The following LINC00305 variants were observed in gnomAD, a reference collection of about 807,000 sequenced individuals.
LINC00305 encodes the protein long intergenic non-protein coding RNA 305.
At chr18:64,115,781 G>T (rs890984750) in intron 1 of LINC00305, among the ~76,000 whole-genome samples, 2 of 151,892 alleles carry the variant, frequency 1.3e-5, no homozygotes, top group African/African-American at 4.8e-5. Context: ...ACATCTTTGA[G>T]TTGAAAATCT....
At chr18:64,080,206 T>C (rs1463355689) in exon 4 of LINC00305, 1 of 298,242 alleles carries the variant, frequency 3.4e-6, no homozygotes, top group Non-Finnish European at 6.8e-6. Flanking sequence ...CCAAAGTCCC[T>C]GCCGTTTATC....
chr18:64,119,596 A>G (rs2051352776), intron 1 of LINC00305, among the ~76,000 whole-genome samples: 1 of 152,162 alleles, frequency 6.6e-6, no homozygotes, highest in Non-Finnish European at 1.5e-5. Flanking sequence ...ATAGTGACAT[A>G]AAATTTGTCA....
intron 1 of LINC00305, among the ~76,000 whole-genome samples, chr18:64,138,591 A>AT (rs1374681291): frequency 1.3e-5 from 2 of 151,914 alleles, no homozygotes; most frequent in Non-Finnish European, 2.9e-5. Context: ...TTCTGATGAG[A>AT]TTTTTTTGGC....
chr18:64,132,758 C>A (rs1030620405), intron 1 of LINC00305, among the ~76,000 whole-genome samples: 4 of 152,076 alleles, frequency 2.6e-5, no homozygotes, highest in African/African-American at 9.7e-5. Context: ...TTGGTTCCTA[C>A]CAGAGGACAA....
intron 1 of LINC00305, among the ~76,000 whole-genome samples, chr18:64,135,632 C>T (rs1015235827): frequency 1.3e-5 from 2 of 152,186 alleles, no homozygotes; most frequent in African/African-American, 4.8e-5. Flanking sequence ...GTTGCCCAGG[C>T]TGGAGTGCAG....
intron 1 of LINC00305, among the ~76,000 whole-genome samples, chr18:64,118,244 G>A (rs1403820704): frequency 6.6e-6 from 1 of 152,090 alleles, no homozygotes; most frequent in Non-Finnish European, 1.5e-5. Flanking sequence ...GTGATATTAT[G>A]AAACTGAGTT....
intron 3 of LINC00305, among the ~76,000 whole-genome samples, chr18:64,086,629 T>G (rs539416719): frequency 4.6e-5 from 7 of 152,370 alleles, no homozygotes; most frequent in African/African-American, 1.7e-4. Flanking sequence ...TTCTTTCAAC[T>G]ATACACTTTA....
At chr18:64,145,977 T>C (rs945222029) in intron 1 of LINC00305, among the ~76,000 whole-genome samples, 3 of 152,104 alleles carry the variant, frequency 2.0e-5, no homozygotes, top group African/African-American at 7.2e-5. Context: ...TAGAAAAATG[T>C]GGGGTACTTA....
intron 1 of LINC00305, among the ~76,000 whole-genome samples, chr18:64,143,684 C>CACATATTATGCGTACATGTATGTA (rs1568120226): frequency 9.4e-5 from 7 of 74,496 alleles, no homozygotes; most frequent in Middle Eastern, 0.011. Flanking sequence ...ATATGTATGT[C>CACATATTATGCGTACATGTATGTA]CACATATTAT....
Position 64,141,797 on chromosome 18 carries a change from G to C in LINC00305, n.314+6978C>G, listed in dbSNP as rs1400320035. On this transcript the variant is annotated intron_variant and non_coding_transcript_variant, in intron 1 of 3. Coordinates refer to ENST00000666468, the Ensembl canonical transcript of LINC00305. ...AACTTTTCTCAAAACGCTTTGGTATGATACTCACGCATATGAAACAATGTA... is the reference window on the plus strand; with the variant it reads ...AACTTTTCTCAAAACGCTTTGGTATCATACTCACGCATATGAAACAATGTA... 2.0e-5 allele frequency among the ~76,000 whole-genome samples: 3 copies of C among 152,286 alleles called. No homozygotes were observed. In the South Asian group the frequency reaches 6.2e-4, roughly 32 times the overall value.
At chr18:64,137,463 T>C (rs1210654428) in intron 1 of LINC00305, among the ~76,000 whole-genome samples, 2 of 152,252 alleles carry the variant, frequency 1.3e-5, no homozygotes, top group Non-Finnish European at 2.9e-5. Context: ...TACTATTATT[T>C]GAATTTGATT....
At chr18:64,133,683 C>T (rs1428109113) in intron 1 of LINC00305, among the ~76,000 whole-genome samples, 5 of 152,146 alleles carry the variant, frequency 3.3e-5, no homozygotes, top group Admixed American at 2.6e-4. Context: ...ATGTTTTTTT[C>T]CTTACATACT....
chr18:64,134,189 C>T (rs148909038), intron 1 of LINC00305, among the ~76,000 whole-genome samples: 30 of 152,192 alleles, frequency 2.0e-4, no homozygotes, highest in Non-Finnish European at 3.4e-4. Context: ...AAGGTAAATT[C>T]GTCACTTTTA....
chr18:64,146,020 A>C (rs1294749361), intron 1 of LINC00305, among the ~76,000 whole-genome samples: 1 of 152,184 alleles, frequency 6.6e-6, no homozygotes, highest in Admixed American at 6.5e-5. Flanking sequence ...AAAAAGTGAA[A>C]TATTAATATT....
chr18:64,147,241 T>C (rs1371419538), intron 1 of LINC00305: 1 of 152,174 alleles, frequency 6.6e-6, no homozygotes, highest in Non-Finnish European at 1.5e-5. Context: ...TTAAACTAAT[T>C]GGATACCTTA....
chr18:64,098,507 C>A lies in LINC00305; in HGVS notation n.378+70G>T, dbSNP rs898620735. 1.4e-5 allele frequency: 6 copies of A among 422,502 alleles called. No individual in the cohort carries two copies. In the Admixed American group the frequency reaches 1.6e-4, roughly 11 times the overall value. 26.2% of individuals were successfully genotyped at this position (422,502 alleles called of 1,614,324 possible). ...AATTTGGGAAACAAATTATGAGAAA[C>A]TCTATAAATAGGGTTAATTTTTTTC... On this transcript the variant is annotated intron_variant and non_coding_transcript_variant, in intron 2 of 3. Coordinates refer to ENST00000666468, the Ensembl canonical transcript of LINC00305.
At chr18:64,082,095 A>G (rs1418477727) in intron 3 of LINC00305, among the ~76,000 whole-genome samples, 1 of 152,226 alleles carries the variant, frequency 6.6e-6, no homozygotes, top group Non-Finnish European at 1.5e-5. Flanking sequence ...ATTGGCCACA[A>G]GATTAGAAAT....
chr18:64,108,950 C>A (rs1045545661), intron 1 of LINC00305, among the ~76,000 whole-genome samples: 2 of 152,288 alleles, frequency 1.3e-5, no homozygotes, highest in Admixed American at 1.3e-4. Flanking sequence ...TAAAAACTAA[C>A]TTTTATTTCT....
chr18:64,090,280 T>C (rs948321099), intron 3 of LINC00305, among the ~76,000 whole-genome samples: 14 of 152,216 alleles, frequency 9.2e-5, no homozygotes, highest in Admixed American at 7.2e-4. Flanking sequence ...AAGCACAGAA[T>C]AAAATTCTAA....
Sources: gnomAD v4.1 joint callset for allele counts (sites outside exome capture counted in the v4.1 genomes callset) on GRCh38, gnomAD v4.1.1 for gene constraint, MANE v1.5 for transcripts, NCBI Gene and HGNC (gene_info 2026-07-23, HGNC 2026-07-21) for gene names.